The following PCDHGA6 variants were observed in gnomAD, a reference collection of about 807,000 sequenced individuals.
PCDHGA6 encodes protocadherin gamma-A6.
Under a neutral mutation model 60.6 loss-of-function variants are expected in PCDHGA6, and 41 were observed. The ratio of observed to expected loss-of-function variants is 0.68; its 90% CI spans 0.53 to 0.88. The LOEUF (loss-of-function observed/expected upper bound fraction) is 0.88. Ranked by LOEUF, PCDHGA6 falls within the 40% of genes least tolerant of loss-of-function variation. The pLI is 0.00. For synonymous variants in PCDHGA6, 594 were observed against 524.4 expected (o/e 1.13, Z -1.81); for missense variants, 1,312 against 1,203.0 (o/e 1.09, Z -1.34).
intron 1 of PCDHGA6, chr5:141,399,784 G>A: frequency 6.2e-7 from 1 of 1,613,288 alleles, no homozygotes; most frequent in Non-Finnish European, 8.5e-7. Context: ...CGACCGAAAC[G>A]ACAACGCACC....
Position 141,420,299 on chromosome 5 carries a change from T to A in PCDHGA6, c.2424+43792T>A, listed in dbSNP as rs377297222. On this transcript the variant is annotated intron_variant, in intron 1 of 3. Coordinates refer to ENST00000517434, the MANE Select transcript of PCDHGA6 (RefSeq NM_018919.3). Reference sequence around the variant, plus strand: ...GGTAAGTATTTAAAAATGTATTTAATCCTTTTTATATTACAATATGCCAAT... The same window carrying A: ...GGTAAGTATTTAAAAATGTATTTAAACCTTTTTATATTACAATATGCCAAT... 6.8e-6 allele frequency: 10 copies of A among 1,465,980 alleles called. No homozygotes were observed. The African/African-American group carries it at 1.4e-4, about 21-fold the overall frequency. 90.8% of individuals were successfully genotyped at this position (1,465,980 alleles called of 1,614,324 possible). A position where few individuals can be genotyped will look rare whatever the true frequency, so the allele number is the denominator to read the frequency against.
intron 1 of PCDHGA6, chr5:141,391,218 T>A (rs1486850229): frequency 1.3e-5 from 2 of 152,172 alleles, no homozygotes; most frequent in South Asian, 2.1e-4. Flanking sequence ...AGGAACATTA[T>A]ATGAGCCTTT....
intron 1 of PCDHGA6, chr5:141,410,459 A>C (rs2095396770): frequency 6.2e-7 from 1 of 1,613,864 alleles, no homozygotes; most frequent in Admixed American, 1.7e-5. Context: ...TTATTCTTAT[A>C]ATCTGTGCAT....
rs144789830 is a variant in PCDHGA6 at position 141,503,198 on chromosome 5, C to T, written c.2484-2195C>T. Among the ~76,000 whole-genome samples the T allele has an allele frequency of 3.7e-3, 561 of 152,172 alleles. 5 individuals carry two copies. Among genetic ancestry groups the T allele is most frequent in the Admixed American group, 0.011 (164 of 15,268 alleles). ...TATTGTGTAATTATTTAAAATCAGC[C>T]TCTCAGTGCCCACCATGAGCACCGT... On this transcript the variant is annotated intron_variant, in intron 2 of 3. Coordinates refer to ENST00000517434, the MANE Select transcript of PCDHGA6 (RefSeq NM_018919.3).
At chr5:141,456,599 A>T (rs2098870253) in intron 1 of PCDHGA6, among the ~76,000 whole-genome samples, 1 of 152,174 alleles carries the variant, frequency 6.6e-6, no homozygotes, top group African/African-American at 2.4e-5. Flanking sequence ...TTTTGATTTG[A>T]TTTTTAAGTC....
At chr5:141,401,115 G>A (rs923480761) in intron 1 of PCDHGA6, among the ~76,000 whole-genome samples, 8 of 152,092 alleles carry the variant, frequency 5.3e-5, no homozygotes, top group Admixed American at 3.9e-4. Context: ...AGGCCGAGGC[G>A]GTTGGATCAC....
chr5:141,409,412 C>A, intron 1 of PCDHGA6: 1 of 1,614,032 alleles, frequency 6.2e-7, no homozygotes, highest in Non-Finnish European at 8.5e-7. Flanking sequence ...CTACTACAAA[C>A]TGGTGACAGA....
Position 141,511,201 on chromosome 5 carries a change from G to A in PCDHGA6, c.*28G>A, listed in dbSNP as rs2099883661. On this transcript the variant is annotated 3_prime_UTR_variant, in exon 4 of 4. Transcript: ENST00000517434. ...TGGAGGCCAGGCCAAGAGCCACAGG[G>A]CGGCCTCTCCCCAACCAGCCCAGCT... 2 of 1,612,600 alleles carry A rather than the reference G, an allele frequency of 1.2e-6. No homozygotes were observed. The highest frequency in any genetic ancestry group is 1.7e-6 in the Non-Finnish European group (2 of 1,179,344).
chr5:141,472,602 T>A (rs1032061805), intron 1 of PCDHGA6, among the ~76,000 whole-genome samples: 1 of 152,026 alleles, frequency 6.6e-6, no homozygotes, highest in South Asian at 2.1e-4. Context: ...CTTGAAATTA[T>A]AAAACAAAGA....
chr5:141,510,398 G>A (rs2099880972), intron 3 of PCDHGA6, among the ~76,000 whole-genome samples: 1 of 152,064 alleles, frequency 6.6e-6, no homozygotes, highest in African/African-American at 2.4e-5. Flanking sequence ...CTTGGCAAAG[G>A]CTAGGGGCAT....
At position 141,490,857 on chromosome 5, in the gene PCDHGA6, C is replaced by G; in HGVS notation, c.2425-3950C>G. 6.2e-7 allele frequency: 1 copy of G among 1,613,832 alleles called. No homozygotes were observed. Among genetic ancestry groups the G allele is most frequent in the Admixed American group, 1.7e-5 (1 of 60,012 alleles). On this transcript the variant is annotated intron_variant, in intron 1 of 3. Coordinates refer to ENST00000517434, the MANE Select transcript of PCDHGA6 (RefSeq NM_018919.3). The surrounding 1 kb of genome is among the most constrained non-coding windows in gnomAD (Gnocchi z 5.4). ...AGATTGTGGTGGGGGTTCGAGACTCCGGCTCTCCCCCATTGCATGCCAACA... is the reference window on the plus strand; with the variant it reads ...AGATTGTGGTGGGGGTTCGAGACTCGGGCTCTCCCCCATTGCATGCCAACA...
chr5:141,422,785 T>C, intron 1 of PCDHGA6: 1 of 1,614,146 alleles, frequency 6.2e-7, no homozygotes, highest in Non-Finnish European at 8.5e-7. Flanking sequence ...TGCCCTACAA[T>C]CCTTCGACTA....
At position 141,375,962 on chromosome 5, in the gene PCDHGA6, C is replaced by T. The variant is rs763635174; in HGVS notation, c.1879C>T (p.Arg627Cys). Residue 627 changes from arginine (R) to cysteine (C), a missense_variant, in exon 1 of 4, where the codon CGC becomes TGC. By Grantham distance (180) the Arg-to-Cys change is radical. Coordinates refer to ENST00000517434, the MANE Select transcript of PCDHGA6 (RefSeq NM_018919.3). ...FSVGLHTGEV[R>C]TARALLDRDA... ...AGTGGGCCTGCACACGGGCGAGGTG[C>T]GCACGGCGCGCGCCCTGCTGGACAG... The T allele has an allele frequency of 1.9e-6, 3 of 1,613,226 alleles. No individual in the cohort carries two copies. Among genetic ancestry groups the T allele is most frequent in the African/African-American group, 2.7e-5 (2 of 74,942 alleles).
chr5:141,439,904 C>T (rs1175032042), intron 1 of PCDHGA6: 2 of 152,364 alleles, frequency 1.3e-5, no homozygotes, highest in East Asian at 1.9e-4. Context: ...GCGACTACTG[C>T]CTCCTTTCCT....
At chr5:141,418,583 T>A (rs1242446631) in intron 1 of PCDHGA6, 1 of 1,613,862 alleles carries the variant, frequency 6.2e-7, no homozygotes, top group Non-Finnish European at 8.5e-7. Flanking sequence ...CCCCCCAGTG[T>A]TCAGCCAGGA....
intron 1 of PCDHGA6, among the ~76,000 whole-genome samples, chr5:141,467,950 C>T (rs780236016): frequency 2.6e-5 from 4 of 152,290 alleles, no homozygotes; most frequent in Admixed American, 6.5e-5. Context: ...TGAGCCACCA[C>T]ACCCGGCTGC....
intron 1 of PCDHGA6, among the ~76,000 whole-genome samples, chr5:141,442,921 CATTTTCTA>C (rs1366534082): frequency 6.6e-6 from 1 of 152,196 alleles, no homozygotes. Context: ...ACAACTGTTT[CATTTTCTA>C]TTTAAGAAAC....
intron 1 of PCDHGA6, chr5:141,398,909 T>A: frequency 6.2e-7 from 1 of 1,613,984 alleles, no homozygotes; most frequent in Non-Finnish European, 8.5e-7. Context: ...GGCACCACTG[T>A]GTTGCAAGTG....
chr5:141,383,832 A>G, intron 1 of PCDHGA6: 1 of 1,613,926 alleles, frequency 6.2e-7, no homozygotes, highest in Non-Finnish European at 8.5e-7. Flanking sequence ...ATTATGAAGA[A>G]ACTGCCTTCT....
Sources: allele counts gnomAD v4.1 joint callset (sites outside exome capture counted in the v4.1 genomes callset), GRCh38; gene constraint gnomAD v4.1.1; non-coding constraint Gnocchi (gnomAD v3.1); transcripts MANE v1.5; gene names NCBI Gene and HGNC (gene_info 2026-07-23, HGNC 2026-07-21).